Variants in HS2ST1 observed in about 807,000 individuals in gnomAD.
The protein encoded by HS2ST1 is heparan sulfate 2-O-sulfotransferase 1, also known as 2-O-sulfotransferase.
Under a neutral mutation model 42.9 loss-of-function variants are expected in HS2ST1, and 18 were observed. The ratio of observed to expected loss-of-function variants is 0.42; its 90% CI spans 0.29 to 0.62. The LOEUF is 0.62. HS2ST1 is among the 20% of genes least tolerant of loss of function. The pLI, the probability that HS2ST1 is intolerant of heterozygous loss-of-function variation, is 0.21. For synonymous variants in HS2ST1, 146 were observed against 152.9 expected, an observed-to-expected ratio of 0.95 and a Z score of 0.33; for missense variants, 334 against 433.8, an observed-to-expected ratio of 0.77 and a Z score of 2.04.
rs78284421 is a variant in HS2ST1, at chr1:87,000,546, T to C, written c.125-72388T>C. ...AAGTGGCGTCTGGCATCAGACTGCA[T>C]GTGAATAGTTTTAACGCAAAAGACT... is the stretch of plus-strand genomic sequence containing the variant. On this transcript the variant is annotated intron_variant, in intron 1 of 6. Transcript: ENST00000370550. 2.7e-4 allele frequency among the ~76,000 whole-genome samples: 41 copies of C among 152,304 alleles called. 1 individual carries two copies. The East Asian group carries it at 7.1e-3, about 27-fold the overall frequency.
intron 1 of HS2ST1, among the ~76,000 whole-genome samples, chr1:87,015,745 T>C (rs1207375239): frequency 2.0e-5 from 3 of 152,230 alleles, no homozygotes; most frequent in Non-Finnish European, 4.4e-5. Flanking sequence ...TAGAGTGATA[T>C]TATTTTGAAT....
At chr1:87,014,574 G>T (rs967231248) in intron 1 of HS2ST1, among the ~76,000 whole-genome samples, 1 of 152,098 alleles carries the variant, frequency 6.6e-6, no homozygotes, top group African/African-American at 2.4e-5. Context: ...AGTCAAAATG[G>T]AATCACTAAT....
chr1:87,011,351 A>G (rs968670838), intron 1 of HS2ST1, among the ~76,000 whole-genome samples: 5 of 151,890 alleles, frequency 3.3e-5, no homozygotes, highest in African/African-American at 9.7e-5. Context: ...GGCTCAAGCA[A>G]TTCTGCCTCT....
intron 1 of HS2ST1, among the ~76,000 whole-genome samples, chr1:87,043,529 T>A (rs931373746): frequency 2.2e-4 from 34 of 152,240 alleles, no homozygotes; most frequent in Admixed American, 1.6e-3. Context: ...AAGAATCAAC[T>A]GCTGGAGGTA....
chr1:87,063,138 A>T (rs1049080725), intron 1 of HS2ST1, among the ~76,000 whole-genome samples: 1 of 152,084 alleles, frequency 6.6e-6, no homozygotes, highest in African/African-American at 2.4e-5. Context: ...TGTGACACCA[A>T]TGTTAGATCT....
chr1:87,003,953 A>G (rs1178121043), intron 1 of HS2ST1, among the ~76,000 whole-genome samples: 1 of 152,152 alleles, frequency 6.6e-6, no homozygotes, highest in African/African-American at 2.4e-5. Context: ...AGACAACTCT[A>G]TGTAATTGTT....
Position 87,045,428 on chromosome 1 carries a change from A to G in HS2ST1, c.125-27506A>G. 4 of 1,451,002 alleles carry G rather than the reference A, an allele frequency of 2.8e-6. No homozygotes were observed. In the South Asian group the frequency reaches 4.6e-5, roughly 17 times the overall value. The allele number at this position is 1,451,002 out of a possible 1,614,324, so 89.9% of individuals were successfully genotyped here. On this transcript the variant is annotated intron_variant, in intron 1 of 6. Coordinates refer to ENST00000370550, the MANE Select transcript of HS2ST1 (RefSeq NM_012262.4). ...TTCAATTTGGACATCTGGTGCTACC[A>G]TAGCAAATTTTTGTTTCACTACCTT...
At chr1:86,963,998 C>T (rs1429297739) in intron 1 of HS2ST1, among the ~76,000 whole-genome samples, 40 of 148,956 alleles carry the variant, frequency 2.7e-4, no homozygotes, top group Non-Finnish European at 4.5e-4. Context: ...ACTTCTCAGA[C>T]AGGGCGGCCG....
intron 1 of HS2ST1, among the ~76,000 whole-genome samples, chr1:87,034,819 T>A: frequency 6.6e-6 from 1 of 152,230 alleles, no homozygotes; most frequent in East Asian, 1.9e-4. Context: ...TGTCCATATC[T>A]TAATCCCCAG....
chr1:87,009,133 C>A (rs1425110397), intron 1 of HS2ST1, among the ~76,000 whole-genome samples: 1 of 152,156 alleles, frequency 6.6e-6, no homozygotes, highest in African/African-American at 2.4e-5. Flanking sequence ...CCCATACTGG[C>A]CCAGAAGGAG....
At chr1:87,069,863 CAT>C (rs1230980148) in intron 1 of HS2ST1, among the ~76,000 whole-genome samples, 2 of 152,092 alleles carry the variant, frequency 1.3e-5, no homozygotes, top group Non-Finnish European at 2.9e-5. Flanking sequence ...TTTTTAAAAA[CAT>C]ATTTGTTTCA....
At chr1:87,099,283 T>C (rs1325405751) in intron 5 of HS2ST1, among the ~76,000 whole-genome samples, 1 of 152,210 alleles carries the variant, frequency 6.6e-6, no homozygotes, top group East Asian at 1.9e-4. Context: ...GGCTCACTGT[T>C]CTGCAGGATG....
chr1:87,033,538 T>C (rs558841139), intron 1 of HS2ST1, among the ~76,000 whole-genome samples: 1 of 148,738 alleles, frequency 6.7e-6, no homozygotes, highest in East Asian at 1.9e-4. Flanking sequence ...TTTTTTTGTT[T>C]TTTTGTTTGT....
At chr1:87,065,489 C>T (rs1188788481) in intron 1 of HS2ST1, among the ~76,000 whole-genome samples, 1 of 152,132 alleles carries the variant, frequency 6.6e-6, no homozygotes, top group Non-Finnish European at 1.5e-5. Context: ...GCATACTTAC[C>T]AGTGTCTTTT....
intron 1 of HS2ST1, among the ~76,000 whole-genome samples, chr1:87,030,488 A>T (rs1051937832): frequency 2.6e-5 from 4 of 151,976 alleles, no homozygotes; most frequent in African/African-American, 7.3e-5. Context: ...ACAGAGTGAG[A>T]CCCTGTCTCA....
chr1:86,939,595 A>G (rs893048791), intron 1 of HS2ST1, among the ~76,000 whole-genome samples: 3 of 152,222 alleles, frequency 2.0e-5, no homozygotes, highest in African/African-American at 7.2e-5. Flanking sequence ...GATTTAAAAA[A>G]TGCTGGTGCA....
intron 1 of HS2ST1, among the ~76,000 whole-genome samples, chr1:87,071,597 C>T (rs573737380): frequency 4.6e-5 from 7 of 151,702 alleles, no homozygotes; most frequent in Non-Finnish European, 8.8e-5. Flanking sequence ...GGTGTGGTGG[C>T]GGGTGCCTGT....
At chr1:86,971,169 T>G (rs1198300692) in intron 1 of HS2ST1, among the ~76,000 whole-genome samples, 1 of 152,166 alleles carries the variant, frequency 6.6e-6, no homozygotes. Flanking sequence ...AGATAAAGTT[T>G]CTGCTCAAAC....
chr1:86,914,851 T>G lies in HS2ST1; in HGVS notation c.-186T>G. ...TGAGGAGAAGCGGACACCAGCGGCG[T>G]TGGTGATAGCGCCTGGGGGAGGGGG... On this transcript the variant is annotated 5_prime_UTR_variant, in exon 1 of 7. Coordinates refer to ENST00000370550, the MANE Select transcript of HS2ST1 (RefSeq NM_012262.4). 2 of 625,026 alleles carry G rather than the reference T, an allele frequency of 3.2e-6. No individual in the cohort carries two copies. The highest frequency in any genetic ancestry group is 1.9e-5 in the African/African-American group (1 of 52,004). The allele number at this position is 625,026 out of a possible 1,614,324, so 38.7% of individuals were successfully genotyped here.
Sources: gnomAD v4.1 joint callset for allele counts (sites outside exome capture counted in the v4.1 genomes callset) on GRCh38, gnomAD v4.1.1 for gene constraint, MANE v1.5 for transcripts, NCBI Gene and HGNC (gene_info 2026-07-23, HGNC 2026-07-21) for gene names.